Variants in FBXL20 observed in about 807,000 individuals in gnomAD.
FBXL20 encodes the protein F-box/LRR-repeat protein 20.
In FBXL20, 11 loss-of-function variants were observed where a neutral mutation model predicts 64.0. The observed-to-expected ratio is 0.17, with a 90% CI of 0.11 to 0.28. The LOEUF (loss-of-function observed/expected upper bound fraction) is 0.28. FBXL20 is among the 10% of genes least tolerant of loss of function. The pLI, the probability that FBXL20 is intolerant of heterozygous loss-of-function variation, is 1.00. For synonymous variants in FBXL20, 184 were observed against 189.0 expected, an observed-to-expected ratio of 0.97 and a Z score of 0.22; for missense variants, 303 against 526.2, an observed-to-expected ratio of 0.58 and a Z score of 4.15.
chr17:39,329,907 T>C (rs28431963), intron 2 of FBXL20, among the ~76,000 whole-genome samples: 15,784 of 152,012 alleles, frequency 0.1, 936 homozygotes, highest in African/African-American at 0.13. Context: ...AATGGGAGAA[T>C]TGCTTGAGTC....
At chr17:39,310,153 T>TAAA (rs34838706) in intron 2 of FBXL20, among the ~76,000 whole-genome samples, 186 of 134,740 alleles carry the variant, frequency 1.4e-3, no homozygotes, top group African/African-American at 3.0e-3. Context: ...TCTACAAATT[T>TAAA]AAAAAAAAAA....
At chr17:39,397,306 A>C (rs2144688870) in intron 1 of FBXL20, among the ~76,000 whole-genome samples, 2 of 152,346 alleles carry the variant, frequency 1.3e-5, no homozygotes, top group African/African-American at 4.8e-5. Flanking sequence ...TACGAAAGGC[A>C]GTGACGTATA....
At chr17:39,338,729 T>C (rs1247177324) in intron 2 of FBXL20, among the ~76,000 whole-genome samples, 1 of 152,182 alleles carries the variant, frequency 6.6e-6, no homozygotes, top group Non-Finnish European at 1.5e-5. Context: ...GTACCTCTTG[T>C]TGATACATGG....
intron 5 of FBXL20, 108 bp downstream of exon 5, chr17:39,298,882 G>A (rs1300893945): frequency 1.2e-6 from 1 of 804,474 alleles, no homozygotes; most frequent in Non-Finnish European, 2.1e-6. Context: ...GCAATGTGTG[G>A]TTGCATTTTT....
intron 10 of FBXL20, among the ~76,000 whole-genome samples, chr17:39,273,948 A>C (rs2046868975): frequency 6.6e-6 from 1 of 151,994 alleles, no homozygotes; most frequent in South Asian, 2.1e-4. Flanking sequence ...ATCTTAGCTC[A>C]CTGCTGTCTT....
At chr17:39,397,526 A>G (rs887698186) in intron 1 of FBXL20, among the ~76,000 whole-genome samples, 1 of 152,180 alleles carries the variant, frequency 6.6e-6, no homozygotes, top group African/African-American at 2.4e-5. Context: ...ACATCCTCAT[A>G]AAGAAGCTAC....
Position 39,261,530 on chromosome 17 carries a change from G to C in FBXL20, c.1241C>G (p.Ala414Gly). ...TACTGATGGGGGTGGAGTGACAGGT[G>C]CGAAGTAGGCGTGGACTTTAATATT... ...LPNIKVHAYF[A>G]PVTPPPSVGG... Residue 414 changes from alanine to glycine, a missense_variant, in exon 15 of 15, where the codon GCA becomes GGA. This residue lies in a region of FBXL20 where 56 missense variants were observed against 86.0 expected (regional missense o/e 0.65). Coordinates refer to ENST00000264658, the MANE Select transcript of FBXL20 (RefSeq NM_032875.3). 1 of 1,613,998 alleles carries C rather than the reference G, an allele frequency of 6.2e-7. No individual in the cohort carries two copies. The highest frequency in any genetic ancestry group is 8.5e-7 in the Non-Finnish European group (1 of 1,179,876).
At chr17:39,381,716 T>G (rs1771750615) in intron 1 of FBXL20, among the ~76,000 whole-genome samples, 1 of 143,702 alleles carries the variant, frequency 7.0e-6, no homozygotes, top group South Asian at 2.2e-4. Flanking sequence ...ACTGGAGCGG[T>G]GGAGAGGTTT....
At chr17:39,309,766 T>A (rs2047214957) in intron 2 of FBXL20, among the ~76,000 whole-genome samples, 1 of 130,696 alleles carries the variant, frequency 7.7e-6, no homozygotes, top group African/African-American at 3.0e-5. Context: ...CACTCCAGCC[T>A]AGGTGACAGA....
chr17:39,254,587 A>G lies in FBXL20; in HGVS notation c.*6873T>C, dbSNP rs2046678300. 6.5e-6 allele frequency: 1 copy of G among 154,356 alleles called. No individual in the cohort carries two copies. Among genetic ancestry groups the G allele is most frequent in the South Asian group, 2.0e-4 (1 of 4,904 alleles). 9.6% of individuals were successfully genotyped at this position (154,356 alleles called of 1,614,324 possible). The stretch of plus-strand genomic sequence containing the variant: ...GGTGGTGCCAAAACCTATCTGTTTG[A>G]CTGGTTAAGTGTGTAGAAAGTAGGA... On this transcript the variant is annotated 3_prime_UTR_variant, in exon 15 of 15. Coordinates refer to ENST00000264658, the MANE Select transcript of FBXL20 (RefSeq NM_032875.3).
At chr17:39,296,012 A>G (rs1289575169) in intron 6 of FBXL20, among the ~76,000 whole-genome samples, 3 of 152,040 alleles carry the variant, frequency 2.0e-5, no homozygotes, top group Non-Finnish European at 2.9e-5. Context: ...TTGCATATAC[A>G]TATTATGTTT....
chr17:39,382,860 A>T (rs2048038850), intron 1 of FBXL20, among the ~76,000 whole-genome samples: 2 of 152,054 alleles, frequency 1.3e-5, no homozygotes, highest in Non-Finnish European at 2.9e-5. Flanking sequence ...ACTAAATTTT[A>T]AAAATTTAAG....
chr17:39,305,947 A>T (rs1440245954), intron 2 of FBXL20, among the ~76,000 whole-genome samples: 1 of 151,284 alleles, frequency 6.6e-6, no homozygotes, highest in Non-Finnish European at 1.5e-5. Context: ...AGATGGTGCC[A>T]TTGTACTCCA....
At chr17:39,401,040 G>A (rs1439646026) in intron 1 of FBXL20, among the ~76,000 whole-genome samples, 1 of 152,228 alleles carries the variant, frequency 6.6e-6, no homozygotes, top group Admixed American at 6.5e-5. Flanking sequence ...GTGATGGCTG[G>A]GTGGAAGGAG....
chr17:39,305,327 T>C (rs2144463715), intron 2 of FBXL20, among the ~76,000 whole-genome samples: 1 of 152,346 alleles, frequency 6.6e-6, no homozygotes, highest in Admixed American at 6.5e-5. Flanking sequence ...TATTTTGAAG[T>C]AGACCAATAA....
intron 1 of FBXL20, among the ~76,000 whole-genome samples, chr17:39,359,633 GTGT>G (rs1419054164): frequency 6.6e-6 from 1 of 151,442 alleles, no homozygotes; most frequent in African/African-American, 2.4e-5. Flanking sequence ...AAAGTAACAA[GTGT>G]TGGTGAGAAT....
intron 6 of FBXL20, among the ~76,000 whole-genome samples, chr17:39,295,923 T>C (rs756860214): frequency 1.3e-5 from 2 of 151,958 alleles, no homozygotes; most frequent in Non-Finnish European, 2.9e-5. Flanking sequence ...TTTTCCTCAT[T>C]ACTTTTATTC....
rs373221338 is a variant in FBXL20, at chr17:39,319,765, G to T, written c.105-16126C>A. 1.5e-4 allele frequency among the ~76,000 whole-genome samples: 23 copies of T among 151,122 alleles called. 1 individual carries two copies. In the East Asian group the frequency reaches 1.7e-3, roughly 11 times the overall value. On this transcript the variant is annotated intron_variant, in intron 2 of 14. Coordinates refer to ENST00000264658, the MANE Select transcript of FBXL20 (RefSeq NM_032875.3). ...AAAAAAAAAAAAATAGAACAGCAGG[G>T]ACATAAATCTTTTCATTATTATTTT...
chr17:39,301,802 T>A (rs2047138499), intron 3 of FBXL20, among the ~76,000 whole-genome samples: 1 of 151,470 alleles, frequency 6.6e-6, no homozygotes, highest in African/African-American at 2.4e-5. Flanking sequence ...GAGGCTGAGG[T>A]GGGAGGTGAG....
Sources: gnomAD v4.1 joint callset for allele counts (sites outside exome capture counted in the v4.1 genomes callset) on GRCh38, gnomAD v4.1.1 for gene constraint, gnomAD v4.1.1 regional missense constraint, MANE v1.5 for transcripts, NCBI Gene and HGNC (gene_info 2026-07-23, HGNC 2026-07-21) for gene names.